MAGI2: variants seen among roughly 807,000 people sequenced by gnomAD.
MAGI2 encodes membrane-associated guanylate kinase, WW and PDZ domain-containing protein 2.
In MAGI2, 35 loss-of-function variants were observed where a neutral mutation model predicts 133.3. The ratio of observed to expected loss-of-function variants is 0.26; its 90% CI spans 0.20 to 0.35. MAGI2 has a LOEUF of 0.35. Among genes scored for constraint, MAGI2 ranks in the 10% least tolerant of loss-of-function variants. The pLI is 1.00. For synonymous variants in MAGI2, 729 were observed against 710.6 expected (o/e 1.03, Z -0.41); for missense variants, 1,636 against 1,863.4 (o/e 0.88, Z 2.25).
chr7:78,320,142 C>A (rs932056777), intron 9 of MAGI2, among the ~76,000 whole-genome samples: 3 of 152,076 alleles, frequency 2.0e-5, no homozygotes, highest in Non-Finnish European at 2.9e-5. Context: ...GACTACCAAC[C>A]AAAAAGAGTC....
At chr7:78,472,831 T>C (rs1036575703) in intron 6 of MAGI2, among the ~76,000 whole-genome samples, 1 of 152,126 alleles carries the variant, frequency 6.6e-6, no homozygotes, top group African/African-American at 2.4e-5. Flanking sequence ...TGCTTGGGTA[T>C]CTTCTAGGAG....
chr7:78,970,172 A>C (rs1006607256), intron 2 of MAGI2, among the ~76,000 whole-genome samples: 1 of 151,942 alleles, frequency 6.6e-6, no homozygotes, highest in Non-Finnish European at 1.5e-5. Flanking sequence ...CTAGATTATT[A>C]AATCCTTGTA....
intron 7 of MAGI2, chr7:78,350,026 G>A (rs957715135): frequency 2.0e-5 from 3 of 152,114 alleles, no homozygotes; most frequent in Admixed American, 2.0e-4. Flanking sequence ...CTAGTCTATT[G>A]TCATATTTTG....
rs575914329 is a variant in MAGI2, at chr7:78,927,600, T to C, written c.418+79490A>G. ...AACTTTATTAAATGATTTCTTAACC[T>C]ACCTTCACACTAAGTAAATCTATGA... On this transcript the variant is annotated intron_variant, in intron 2 of 21. Coordinates refer to ENST00000354212, the MANE Select transcript of MAGI2 (RefSeq NM_012301.4). 6.6e-5 allele frequency among the ~76,000 whole-genome samples: 10 copies of C among 152,060 alleles called. No homozygotes were observed. The South Asian group carries it at 2.1e-3, about 32-fold the overall frequency.
At chr7:78,255,794 A>T in intron 10 of MAGI2, 149 bp downstream of exon 10, 2 of 734,132 alleles carry the variant, frequency 2.7e-6, no homozygotes, top group Non-Finnish European at 4.5e-6. Context: ...AGTTTCCTTT[A>T]ATTCATGTTT....
intron 1 of MAGI2, among the ~76,000 whole-genome samples, chr7:79,129,467 T>C (rs1010862667): frequency 2.0e-4 from 30 of 152,204 alleles, no homozygotes; most frequent in African/African-American, 7.0e-4. Context: ...AGCAACGTAA[T>C]GCAACTTTCA....
chr7:79,184,789 GTTT>G (rs1826928693), intron 1 of MAGI2, among the ~76,000 whole-genome samples: 2 of 151,808 alleles, frequency 1.3e-5, no homozygotes, highest in South Asian at 4.1e-4. Context: ...TCTCATTGCT[GTTT>G]AAGTTTTGGA....
intron 1 of MAGI2, among the ~76,000 whole-genome samples, chr7:79,170,769 G>A (rs984234665): frequency 1.2e-4 from 18 of 152,040 alleles, no homozygotes; most frequent in African/African-American, 4.1e-4. Context: ...CTGTCAGCAG[G>A]TCAGCTGGGA....
intron 2 of MAGI2, among the ~76,000 whole-genome samples, chr7:78,757,840 C>T (rs986030511): frequency 6.6e-6 from 1 of 152,174 alleles, no homozygotes; most frequent in Non-Finnish European, 1.5e-5. Flanking sequence ...TGCCATTCAT[C>T]TCAGGGCTTT....
At chr7:78,910,263 C>CTTTTT (rs71085572) in intron 2 of MAGI2, among the ~76,000 whole-genome samples, 35 of 128,060 alleles carry the variant, frequency 2.7e-4, no homozygotes, top group African/African-American at 8.5e-4. Context: ...TAAAGTAATT[C>CTTTTT]TTTTTTTTTT....
chr7:79,264,127 T>G (rs1374909279), intron 1 of MAGI2, among the ~76,000 whole-genome samples: 1 of 152,176 alleles, frequency 6.6e-6, no homozygotes, highest in Non-Finnish European at 1.5e-5. Flanking sequence ...GAAAATCCAG[T>G]GTGCATTTTA....
chr7:78,626,514 C>T (rs1333957188), intron 3 of MAGI2, among the ~76,000 whole-genome samples: 1 of 152,102 alleles, frequency 6.6e-6, no homozygotes. Flanking sequence ...GTGCTTCTTC[C>T]ACTGAGGCAT....
rs183131547 is a variant in MAGI2, at chr7:79,020,621, C to T, written c.302-13415G>A. ...CTCTTCTAAAAATACAAAAAATTAG[C>T]TGGACATGGTGGCGGGCTCCTGTAG... On this transcript the variant is annotated intron_variant, in intron 1 of 21. Coordinates refer to ENST00000354212, the MANE Select transcript of MAGI2 (RefSeq NM_012301.4). Among the ~76,000 whole-genome samples the T allele has an allele frequency of 3.3e-5, 5 of 152,100 alleles. No individual in the cohort carries two copies. In the East Asian group the frequency reaches 9.7e-4, roughly 29 times the overall value.
chr7:79,159,223 G>A (rs573691014), intron 1 of MAGI2, among the ~76,000 whole-genome samples: 21 of 152,136 alleles, frequency 1.4e-4, no homozygotes, highest in South Asian at 4.2e-4. Flanking sequence ...AGCATGTTGC[G>A]AATGGTCTAT....
intron 2 of MAGI2, among the ~76,000 whole-genome samples, chr7:78,991,338 A>C (rs554890972): frequency 3.6e-4 from 55 of 151,604 alleles, no homozygotes; most frequent in Middle Eastern, 6.8e-3. Flanking sequence ...ACACACACAC[A>C]CCCCTACATA....
chr7:78,339,957 T>C (rs1215767290), intron 9 of MAGI2, among the ~76,000 whole-genome samples: 2 of 152,178 alleles, frequency 1.3e-5, no homozygotes, highest in African/African-American at 2.4e-5. Context: ...AGAAACTATA[T>C]GATAAATGGC....
intron 2 of MAGI2, among the ~76,000 whole-genome samples, chr7:78,723,186 A>T (rs1049957351): frequency 1.3e-5 from 2 of 152,216 alleles, no homozygotes; most frequent in African/African-American, 4.8e-5. Context: ...ATTTTTCTTC[A>T]AAACAAAAGA....
At chr7:78,807,757 T>A (rs140331926) in intron 2 of MAGI2, among the ~76,000 whole-genome samples, 111 of 152,290 alleles carry the variant, frequency 7.3e-4, no homozygotes, top group African/African-American at 2.5e-3. Context: ...CATCAATAAG[T>A]GAATCCTAAC....
At chr7:78,174,317 G>A (rs575835673) in intron 14 of MAGI2, among the ~76,000 whole-genome samples, 2 of 152,154 alleles carry the variant, frequency 1.3e-5, no homozygotes, top group Non-Finnish European at 2.9e-5. Flanking sequence ...CAAACAGAGA[G>A]CTCATCTTTC....
Sources: allele counts gnomAD v4.1 joint callset (sites outside exome capture counted in the v4.1 genomes callset), GRCh38; gene constraint gnomAD v4.1.1; transcripts MANE v1.5; gene names NCBI Gene and HGNC (gene_info 2026-07-23, HGNC 2026-07-21).